The following ACBD6 variants were observed in gnomAD, a reference collection of about 807,000 sequenced individuals.
ACBD6 encodes acyl-CoA-binding domain-containing protein 6.
Under a neutral mutation model 37.2 loss-of-function variants are expected in ACBD6, and 28 were observed. That is an observed-to-expected ratio of 0.75 (90% CI 0.56 to 1.03). ACBD6 has a LOEUF of 1.03. Among genes scored for constraint, ACBD6 ranks in the 50% least tolerant of loss-of-function variants. ACBD6 has a pLI of 0.00. For missense variants in ACBD6, 340 were observed against 337.4 expected (o/e 1.01, Z -0.06); for synonymous variants, 113 against 126.8 (o/e 0.89, Z 0.73).
intron 6 of ACBD6, among the ~76,000 whole-genome samples, chr1:180,392,901 C>T (rs1654128381): frequency 6.6e-6 from 1 of 151,342 alleles, no homozygotes; most frequent in African/African-American, 2.4e-5. Flanking sequence ...CCACTTAAAA[C>T]AAAATGTTTT....
At chr1:180,434,935 T>C (rs539210128) in intron 3 of ACBD6, 17 of 785,916 alleles carry the variant, frequency 2.2e-5, no homozygotes, top group East Asian at 1.5e-4. Context: ...TCAGCCAACA[T>C]TGAGACCACC....
At chr1:180,346,001 C>T (rs1652168476) in intron 6 of ACBD6, among the ~76,000 whole-genome samples, 1 of 152,172 alleles carries the variant, frequency 6.6e-6, no homozygotes. Flanking sequence ...TCCCTGAAAA[C>T]CAGCAGCAAG....
intron 6 of ACBD6, among the ~76,000 whole-genome samples, chr1:180,364,568 G>A (rs1652976626): frequency 6.6e-6 from 1 of 152,130 alleles, no homozygotes; most frequent in Non-Finnish European, 1.5e-5. Context: ...TAACAGGTAG[G>A]AGAAATTTCT....
chr1:180,403,543 A>T (rs893956424), intron 5 of ACBD6, among the ~76,000 whole-genome samples: 10 of 152,216 alleles, frequency 6.6e-5, no homozygotes, highest in African/African-American at 2.2e-4. Flanking sequence ...ACGGATGTTC[A>T]TTGTAAAATT....
chr1:180,286,979 T>G (rs1180574452), downstream of ACBD6: 1 of 152,234 alleles, frequency 6.6e-6, no homozygotes, highest in Non-Finnish European at 1.5e-5. Flanking sequence ...TATCTTTGCA[T>G]CTCAACTCAT....
At chr1:180,466,291 A>G (rs991594868) in intron 3 of ACBD6, among the ~76,000 whole-genome samples, 4 of 152,220 alleles carry the variant, frequency 2.6e-5, no homozygotes, top group African/African-American at 9.6e-5. Flanking sequence ...AATTATATTC[A>G]GTGTTAAAGC....
chr1:180,374,441 T>G (rs933139493), intron 6 of ACBD6, among the ~76,000 whole-genome samples: 2 of 152,212 alleles, frequency 1.3e-5, no homozygotes, highest in African/African-American at 4.8e-5. Context: ...ATGGAGAGAC[T>G]GTTTACAATG....
intron 4 of ACBD6, among the ~76,000 whole-genome samples, chr1:180,428,685 A>G (rs1648696283): frequency 6.6e-6 from 1 of 152,226 alleles, no homozygotes; most frequent in African/African-American, 2.4e-5. Context: ...TTTGAAAAAT[A>G]CTAGAGTATG....
At chr1:180,272,117 A>G (rs537047814) in intron 13 of ACBD6, 59 of 941,932 alleles carry the variant, frequency 6.3e-5, no homozygotes, top group South Asian at 5.7e-4. Flanking sequence ...CTCCCTCCTG[A>G]ACACAGGCTT....
intron 5 of ACBD6, among the ~76,000 whole-genome samples, chr1:180,410,367 A>G (rs1275886825): frequency 6.6e-6 from 1 of 152,226 alleles, no homozygotes; most frequent in Non-Finnish European, 1.5e-5. Flanking sequence ...TACTCCTACT[A>G]TTGAAAGAAG....
chr1:180,466,987 T>C (rs574443854), intron 3 of ACBD6, among the ~76,000 whole-genome samples: 3 of 152,272 alleles, frequency 2.0e-5, no homozygotes, highest in Non-Finnish European at 2.9e-5. Context: ...TTAGTTCCTA[T>C]ATGATCCCCA....
chr1:180,318,792 A>T (rs1650936963), intron 6 of ACBD6, among the ~76,000 whole-genome samples: 1 of 152,150 alleles, frequency 6.6e-6, no homozygotes, highest in South Asian at 2.1e-4. Flanking sequence ...TCTACCCCAT[A>T]GGTATTGAGA....
intron 3 of ACBD6, among the ~76,000 whole-genome samples, chr1:180,481,193 C>T (rs1011373078): frequency 1.3e-5 from 2 of 151,964 alleles, no homozygotes; most frequent in Non-Finnish European, 1.5e-5. Flanking sequence ...AAATCAAAAC[C>T]GACTTCATTC....
At chr1:180,332,960 C>A (rs549750550) in intron 6 of ACBD6, among the ~76,000 whole-genome samples, 3 of 152,222 alleles carry the variant, frequency 2.0e-5, no homozygotes, top group African/African-American at 7.2e-5. Flanking sequence ...CTTACCATGG[C>A]CTAGAATAGC....
chr1:180,274,064 C>A, exon 11 of ACBD6: 2 of 1,280,262 alleles, frequency 1.6e-6, no homozygotes, highest in Non-Finnish European at 2.3e-6. Context: ...CCATGCTTGG[C>A]TGCAAGGCAG....
intron 5 of ACBD6, among the ~76,000 whole-genome samples, chr1:180,412,040 T>C (rs899589693): frequency 6.6e-6 from 1 of 152,136 alleles, no homozygotes; most frequent in East Asian, 1.9e-4. Flanking sequence ...CGATAGTCAC[T>C]TTATTGCAGT....
chr1:180,495,408 A>G, intron 2 of ACBD6, 53 bp downstream of exon 2: 1 of 1,336,066 alleles, frequency 7.5e-7, no homozygotes, highest in Non-Finnish European at 1.0e-6. Context: ...TCTAATTCCT[A>G]AACACCTAAG....
At chr1:180,451,719 T>C (rs551559010) in intron 3 of ACBD6, among the ~76,000 whole-genome samples, 8 of 152,200 alleles carry the variant, frequency 5.3e-5, no homozygotes, top group Non-Finnish European at 1.2e-4. Context: ...CTGAGGGAAA[T>C]GAGGAGACTG....
intron 3 of ACBD6, among the ~76,000 whole-genome samples, chr1:180,480,595 A>G (rs1162968843): frequency 1.3e-5 from 2 of 152,256 alleles, no homozygotes; most frequent in African/African-American, 4.8e-5. Flanking sequence ...AACACTAAAC[A>G]GAAATGCTCA....
Sources: gnomAD v4.1 joint callset for allele counts (sites outside exome capture counted in the v4.1 genomes callset) on GRCh38, gnomAD v4.1.1 for gene constraint, MANE v1.5 for transcripts, NCBI Gene and HGNC (gene_info 2026-07-23, HGNC 2026-07-21) for gene names.